NIPAL3: variants seen among roughly 807,000 people sequenced by gnomAD.
NIPAL3 encodes the protein NIPA-like protein 3.
A neutral mutation model predicts 47.2 loss-of-function variants in NIPAL3; 41 were observed. The ratio of observed to expected loss-of-function variants is 0.87; its 90% confidence interval spans 0.68 to 1.13. The LOEUF (loss-of-function observed/expected upper bound fraction) is 1.13. NIPAL3 is among the 50% of genes most tolerant of loss of function. NIPAL3 has a pLI of 0.00. For synonymous variants in NIPAL3, 194 were observed against 209.6 expected (o/e 0.93, Z 0.64); for missense variants, 449 against 530.1 (o/e 0.85, Z 1.50).
In NIPAL3 at chr1:24,431,303, A is replaced by G. The variant is rs540154279; in HGVS notation, c.94-8869A>G. Among the ~76,000 whole-genome samples the G allele has an allele frequency of 5.9e-5, 9 of 152,330 alleles. No individual in the cohort carries two copies. The East Asian group carries it at 1.7e-3, about 29-fold the overall frequency. On this transcript the variant is annotated intron_variant, in intron 2 of 11. Transcript: ENST00000374399. ...TGTACCAGAGTAAGATTCTAAGGTAAATGAAGGACAAGCCTTTCTTTGATC... is the reference window on the plus strand; with the variant it reads ...TGTACCAGAGTAAGATTCTAAGGTAGATGAAGGACAAGCCTTTCTTTGATC...
At chr1:24,436,068 G>A (rs10903088) in intron 2 of NIPAL3, among the ~76,000 whole-genome samples, 2 of 151,876 alleles carry the variant, frequency 1.3e-5, no homozygotes, top group Middle Eastern at 3.2e-3. Flanking sequence ...GGGCTCCACC[G>A]GCATGACCTA....
At position 24,449,105 on chromosome 1, in the gene NIPAL3, A is replaced by G. The variant is rs1403778523; in HGVS notation, c.395-376A>G. 6.6e-6 allele frequency among the ~76,000 whole-genome samples: 1 copy of G among 152,242 alleles called. No homozygotes were observed. Among genetic ancestry groups the G allele is most frequent in the Non-Finnish European group, 1.5e-5 (1 of 68,028 alleles). ...TAGGCAAAGCCATCAGTGCTGTTACAGGTCAAGATAGTGTAACCCTGAGGG... is the reference window on the plus strand; with the variant it reads ...TAGGCAAAGCCATCAGTGCTGTTACGGGTCAAGATAGTGTAACCCTGAGGG... On this transcript the variant is annotated intron_variant, in intron 5 of 11. Transcript: ENST00000374399. The surrounding 1 kb of genome is among the most constrained non-coding windows in gnomAD (Gnocchi z 4.5).
chr1:24,430,358 C>T (rs988812369), intron 2 of NIPAL3, among the ~76,000 whole-genome samples: 8 of 151,750 alleles, frequency 5.3e-5, no homozygotes, highest in Non-Finnish European at 1.5e-5. Flanking sequence ...TCAAGTGATT[C>T]TCCTGCCTCA....
chr1:24,453,280 T>TG, intron 6 of NIPAL3, 128 bp from the exon 7 acceptor site: 1 of 651,724 alleles, frequency 1.5e-6, no homozygotes, highest in African/African-American at 1.8e-5. Context: ...GTTTGGGAAA[T>TG]GCTGAATCAT....
At chr1:24,468,823 T>C (rs1379646416) in intron 11 of NIPAL3, among the ~76,000 whole-genome samples, 163 bp from the exon 12 acceptor site, 1 of 152,196 alleles carries the variant, frequency 6.6e-6, no homozygotes, top group East Asian at 1.9e-4. Context: ...TTCCAGTGTA[T>C]ATTTGTGGGT....
intron 11 of NIPAL3, 101 bp from the exon 12 acceptor site, chr1:24,468,885 C>A: frequency 3.8e-6 from 4 of 1,045,490 alleles, no homozygotes; most frequent in Non-Finnish European, 5.8e-6. Context: ...ACATGATTAG[C>A]TGCTGAGCAC....
At chr1:24,437,532 T>C (rs2148796728) in intron 2 of NIPAL3, among the ~76,000 whole-genome samples, 1 of 152,260 alleles carries the variant, frequency 6.6e-6, no homozygotes, top group Middle Eastern at 3.4e-3. Flanking sequence ...TAGTTGCAAG[T>C]AACAGAAGCA....
At position 24,472,555 on chromosome 1, in the gene NIPAL3, A is replaced by T. The variant is rs15441; in HGVS notation, c.*3370A>T. The T allele has an allele frequency of 0.07, 10,647 of 152,262 alleles. 397 individuals carry two copies. The highest frequency in any genetic ancestry group is 0.11 in the African/African-American group (4,451 of 41,538). 9.4% of individuals were successfully genotyped at this position (152,262 alleles called of 1,614,324 possible). On this transcript the variant is annotated 3_prime_UTR_variant, in exon 12 of 12. Transcript: ENST00000374399. ...CAGGTACCTAAAGCAAGGTCACCAA[A>T]CTTGGGTTTAAACTTCAGTTGCCAT...
rs769050882 is a variant in NIPAL3, at chr1:24,453,388, C to G, written c.541-20C>G. On this transcript the variant is annotated intron_variant, in intron 6 of 11. Transcript: ENST00000374399. ...ACTTCTGTGGTCCCCACTGACCCCCCTGCTTGCTGCCTTCCACAGCTGGTG... is the reference window on the plus strand; with the variant it reads ...ACTTCTGTGGTCCCCACTGACCCCCGTGCTTGCTGCCTTCCACAGCTGGTG... The G allele has an allele frequency of 2.5e-6, 4 of 1,604,646 alleles. No individual in the cohort carries two copies. Among genetic ancestry groups the G allele is most frequent in the Non-Finnish European group, 3.4e-6 (4 of 1,171,876 alleles).
rs1644578821 is a variant in NIPAL3 at position 24,426,177 on chromosome 1, C to T, written c.93+6537C>T. Among the ~76,000 whole-genome samples the T allele has an allele frequency of 1.3e-5, 2 of 152,144 alleles. 1 individual carries two copies. The highest frequency in any genetic ancestry group is 4.1e-4 in the South Asian group (2 of 4,830). On this transcript the variant is annotated intron_variant, in intron 2 of 11. Coordinates refer to ENST00000374399, the MANE Select transcript of NIPAL3 (RefSeq NM_020448.5). ...GAGTAGCTTTGCCTTCACCTCACTT[C>T]TTTCGCCAGTAACACTCCATTGAGA...
chr1:24,415,831 C>A lies in NIPAL3; in HGVS notation c.-331C>A. On this transcript the variant is annotated 5_prime_UTR_variant, in exon 1 of 12. Transcript: ENST00000374399. ...TGGGAAGGGATGAAGGAGGCTGTGCCTCCGGGTTGCACGAAGAGTCCGAGT... is the reference window on the plus strand; with the variant it reads ...TGGGAAGGGATGAAGGAGGCTGTGCATCCGGGTTGCACGAAGAGTCCGAGT... 1 of 985,432 alleles carries A rather than the reference C, an allele frequency of 1.0e-6. No individual in the cohort carries two copies. The highest frequency in any genetic ancestry group is 1.1e-4 in the East Asian group (1 of 8,814). The allele number at this position is 985,432 out of a possible 1,614,324, so 61.0% of individuals were successfully genotyped here.
chr1:24,449,450 A>G lies in NIPAL3; in HGVS notation c.395-31A>G, dbSNP rs1334371567. On this transcript the variant is annotated intron_variant, in intron 5 of 11. Coordinates refer to ENST00000374399, the MANE Select transcript of NIPAL3 (RefSeq NM_020448.5). This position sits in a 1 kb window ranked among gnomAD's most constrained non-coding sequence, Gnocchi z 4.5. ...ACTGTATCTTGGGCCTGTTGTTGCAATGAGTCCGTGACAGCCTCTCTTCCC... is the reference window on the plus strand; with the variant it reads ...ACTGTATCTTGGGCCTGTTGTTGCAGTGAGTCCGTGACAGCCTCTCTTCCC... 19 of 1,609,958 alleles carry G rather than the reference A, an allele frequency of 1.2e-5. No homozygotes were observed. The highest frequency in any genetic ancestry group is 1.4e-5 in the Non-Finnish European group (16 of 1,178,222).
At chr1:24,425,011 G>A (rs929926797) in intron 2 of NIPAL3, among the ~76,000 whole-genome samples, 4 of 152,224 alleles carry the variant, frequency 2.6e-5, no homozygotes, top group Non-Finnish European at 4.4e-5. Context: ...GCCCATCAGC[G>A]TATAAATTTT....
rs554482209 is a variant in NIPAL3 at position 24,451,377 on chromosome 1, T to C, written c.540+1751T>C. On this transcript the variant is annotated intron_variant, in intron 6 of 11. Transcript: ENST00000374399. The surrounding 1 kb of genome is among the most constrained non-coding windows in gnomAD (Gnocchi z 4.5). ...AGCCATCTCATGATATAATGTCCAG[T>C]GCTATTCCAGTGTTCATTTTAGAAT... Among the ~76,000 whole-genome samples the C allele has an allele frequency of 6.6e-6, 1 of 152,262 alleles. No individual in the cohort carries two copies. The highest frequency in any genetic ancestry group is 1.9e-4 in the East Asian group (1 of 5,178).
intron 2 of NIPAL3, among the ~76,000 whole-genome samples, chr1:24,423,710 G>T (rs1421065348): frequency 1.3e-5 from 2 of 152,210 alleles, no homozygotes; most frequent in South Asian, 4.1e-4. Context: ...GAAGCAGAGG[G>T]CATGTGGGGA....
chr1:24,460,653 G>C, intron 10 of NIPAL3, 109 bp downstream of exon 10: 3 of 862,604 alleles, frequency 3.5e-6, no homozygotes, highest in Non-Finnish European at 5.1e-6. Context: ...TAGAGTCAGA[G>C]GAGCTGTGGG....
intron 2 of NIPAL3, among the ~76,000 whole-genome samples, chr1:24,428,265 AGAGAGAGAG>A (rs1644704164): frequency 1.7e-5 from 1 of 58,236 alleles, no homozygotes; most frequent in Non-Finnish European, 3.7e-5. Context: ...AGAAAGAGAG[AGAGAGAGAG>A]AGAGAGAGAG....
chr1:24,425,799 A>G (rs1644555712), intron 2 of NIPAL3, among the ~76,000 whole-genome samples: 1 of 152,166 alleles, frequency 6.6e-6, no homozygotes, highest in Non-Finnish European at 1.5e-5. Context: ...GAATTTACAG[A>G]TAAGCAAACC....
At chr1:24,435,558 A>G (rs996400500) in intron 2 of NIPAL3, among the ~76,000 whole-genome samples, 1 of 152,240 alleles carries the variant, frequency 6.6e-6, no homozygotes, top group Non-Finnish European at 1.5e-5. Context: ...TAATTTTAGT[A>G]GTACATGAAA....
Sources: gnomAD v4.1 joint callset for allele counts (sites outside exome capture counted in the v4.1 genomes callset) on GRCh38, gnomAD v4.1.1 for gene constraint, Gnocchi (gnomAD v3.1) non-coding constraint, MANE v1.5 for transcripts, NCBI Gene and HGNC (gene_info 2026-07-23, HGNC 2026-07-21) for gene names.